The following NRXN1 variants were observed in gnomAD, a reference collection of about 807,000 sequenced individuals.
NRXN1 encodes the protein neurexin 1.
NRXN1 carries 39 observed loss-of-function variants against 150.9 expected under a neutral mutation model. That is an observed-to-expected ratio of 0.26 (90% confidence interval 0.20 to 0.34). The LOEUF (loss-of-function observed/expected upper bound fraction) is 0.34, where lower values mean the gene tolerates loss of function less well. NRXN1 is among the 10% of genes least tolerant of loss of function. The pLI is 1.00. For missense variants in NRXN1, 1,815 were observed against 1,949.9 expected, an observed-to-expected ratio of 0.93 and a Z score of 1.30; for synonymous variants, 924 against 757.0, an observed-to-expected ratio of 1.22 and a Z score of -3.62.
At chr2:50,262,693 T>C (rs1168167258) in intron 17 of NRXN1, among the ~76,000 whole-genome samples, 3 of 151,980 alleles carry the variant, frequency 2.0e-5, no homozygotes, top group African/African-American at 7.2e-5. Context: ...TCAATTTTAG[T>C]TGTGAAAATA....
intron 17 of NRXN1, among the ~76,000 whole-genome samples, chr2:50,407,821 A>G (rs2082862645): frequency 6.6e-6 from 1 of 152,252 alleles, no homozygotes; most frequent in South Asian, 2.1e-4. Context: ...TAAGAAATAT[A>G]TTCCATTTCT....
At chr2:50,216,456 G>A (rs2063408073) in intron 18 of NRXN1, among the ~76,000 whole-genome samples, 1 of 152,068 alleles carries the variant, frequency 6.6e-6, no homozygotes, top group East Asian at 1.9e-4. Flanking sequence ...TACCTCTGAA[G>A]TATTTACCAA....
chr2:50,863,075 T>A (rs1358501289), intron 5 of NRXN1, among the ~76,000 whole-genome samples: 1 of 152,036 alleles, frequency 6.6e-6, no homozygotes, highest in African/African-American at 2.4e-5. Flanking sequence ...TAACATTCTT[T>A]ATGATGGGGT....
chr2:50,649,583 T>C (rs1685312712), intron 5 of NRXN1, among the ~76,000 whole-genome samples: 1 of 152,016 alleles, frequency 6.6e-6, no homozygotes, highest in South Asian at 2.1e-4. Context: ...TTACCCCCTC[T>C]TTGCTTGAGG....
At chr2:50,277,277 T>A (rs2070622251) in intron 17 of NRXN1, among the ~76,000 whole-genome samples, 1 of 152,160 alleles carries the variant, frequency 6.6e-6, no homozygotes, top group South Asian at 2.1e-4. Flanking sequence ...AGTAAATAAA[T>A]AAATGTTAAA....
chr2:50,109,702 C>T (rs886414069), intron 18 of NRXN1, among the ~76,000 whole-genome samples: 1 of 152,056 alleles, frequency 6.6e-6, no homozygotes, highest in Admixed American at 6.5e-5. Context: ...TGGTGAATAC[C>T]CTATTTTCAC....
intron 8 of NRXN1, chr2:50,589,039 T>C (rs1673667467): frequency 6.6e-6 from 1 of 152,026 alleles, no homozygotes; most frequent in Non-Finnish European, 1.5e-5. Flanking sequence ...CGAAGCCCGG[T>C]AGGATGAGAA....
At chr2:50,352,751 TTGA>T (rs1258300750) in intron 17 of NRXN1, among the ~76,000 whole-genome samples, 1 of 113,070 alleles carries the variant, frequency 8.8e-6, no homozygotes, top group African/African-American at 3.6e-5. Context: ...AGTAAGAGCA[TTGA>T]TAATAATAAT....
chr2:50,441,787 T>C (rs562708488), intron 17 of NRXN1, among the ~76,000 whole-genome samples: 4 of 152,272 alleles, frequency 2.6e-5, no homozygotes, highest in Admixed American at 6.5e-5. Context: ...ATAAAAATTT[T>C]ATTGAAAATT....
chr2:49,965,878 G>C lies in NRXN1; in HGVS notation c.4129-22087C>G, dbSNP rs1676881962. ...TTGGGGAAGAAGGACTTTTAGTCCAGAGTATGCAGCATTGTATAAAATATG... is the reference window on the plus strand; with the variant it reads ...TTGGGGAAGAAGGACTTTTAGTCCACAGTATGCAGCATTGTATAAAATATG... On this transcript the variant is annotated intron_variant, in intron 21 of 22. Coordinates refer to ENST00000401669, the MANE Select transcript of NRXN1 (RefSeq NM_001330078.2). Among the ~76,000 whole-genome samples the C allele has an allele frequency of 2.6e-5, 4 of 152,210 alleles. No homozygotes were observed. In the South Asian group the frequency reaches 8.3e-4, roughly 31 times the overall value.
chr2:50,913,376 A>C (rs906685693), intron 5 of NRXN1, among the ~76,000 whole-genome samples: 6 of 151,728 alleles, frequency 4.0e-5, no homozygotes, highest in Non-Finnish European at 7.4e-5. Context: ...CCTTAAATGG[A>C]GTAATTTAAT....
intron 2 of NRXN1, among the ~76,000 whole-genome samples, chr2:50,974,058 G>A (rs1695441802): frequency 6.6e-6 from 1 of 152,070 alleles, no homozygotes; most frequent in Non-Finnish European, 1.5e-5. Flanking sequence ...CCTGAGAAGT[G>A]CGTTCTACTC....
intron 21 of NRXN1, among the ~76,000 whole-genome samples, chr2:49,980,360 A>G (rs146407479): frequency 9.2e-5 from 14 of 152,254 alleles, no homozygotes; most frequent in African/African-American, 3.1e-4. Flanking sequence ...TTGGGACCAT[A>G]TTGGAGTTTC....
Position 50,612,078 on chromosome 2 carries a change from C to A in NRXN1, c.1320+7944G>T, listed in dbSNP as rs1678246843. Among the ~76,000 whole-genome samples, 5 of 152,272 alleles carry A rather than the reference C, an allele frequency of 3.3e-5. No individual in the cohort carries two copies. The South Asian group carries it at 1.0e-3, about 32-fold the overall frequency. On this transcript the variant is annotated intron_variant, in intron 8 of 22. Coordinates refer to ENST00000401669, the MANE Select transcript of NRXN1 (RefSeq NM_001330078.2). Reference sequence around the variant, plus strand: ...GATTGTAATATGATACGGGGAGCAACACAGAGTGGCAGTTACGGGCAAGGA... The same window carrying A: ...GATTGTAATATGATACGGGGAGCAAAACAGAGTGGCAGTTACGGGCAAGGA...
At chr2:50,028,031 A>G (rs539451609) in intron 21 of NRXN1, among the ~76,000 whole-genome samples, 1 of 152,250 alleles carries the variant, frequency 6.6e-6, no homozygotes, top group East Asian at 1.9e-4. Context: ...AGCACAGGTT[A>G]AATGCAAAGG....
chr2:50,735,462 A>G (rs1698623433), intron 5 of NRXN1, among the ~76,000 whole-genome samples: 1 of 152,168 alleles, frequency 6.6e-6, no homozygotes, highest in Non-Finnish European at 1.5e-5. Context: ...CTAGAGACTC[A>G]CTTGTAGAAG....
intron 17 of NRXN1, among the ~76,000 whole-genome samples, chr2:50,280,277 CAAA>C (rs4032052): frequency 1.7e-3 from 209 of 122,806 alleles, no homozygotes; most frequent in Middle Eastern, 4.1e-3. Context: ...GAATCAGTCT[CAAA>C]AAAAAAAAAA....
chr2:50,377,742 G>C (rs1351181689), intron 17 of NRXN1, among the ~76,000 whole-genome samples: 1 of 152,110 alleles, frequency 6.6e-6, no homozygotes, highest in African/African-American at 2.4e-5. Context: ...TATGAAATTT[G>C]TAAGTCAATA....
chr2:50,219,995 TATATATTATATA>T (rs1559116400), intron 18 of NRXN1, among the ~76,000 whole-genome samples: 8 of 35,784 alleles, frequency 2.2e-4, no homozygotes, highest in Non-Finnish European at 4.3e-4. Flanking sequence ...TTATATATAA[TATATATTATATA>T]ATATATTATA....
Sources: gnomAD v4.1 joint callset for allele counts (sites outside exome capture counted in the v4.1 genomes callset) on GRCh38, gnomAD v4.1.1 for gene constraint, MANE v1.5 for transcripts, NCBI Gene and HGNC (gene_info 2026-07-23, HGNC 2026-07-21) for gene names.